ADAM22: variants seen among roughly 807,000 people sequenced by gnomAD.
The protein encoded by ADAM22 is ADAM metallopeptidase domain 22.
In ADAM22, 65 loss-of-function variants were observed where a neutral mutation model predicts 144.6. That is an observed-to-expected ratio of 0.45 (90% CI 0.37 to 0.55). The LOEUF (loss-of-function observed/expected upper bound fraction) is 0.55, where lower values mean the gene tolerates loss of function less well. Ranked by LOEUF, ADAM22 falls within the 20% of genes least tolerant of loss-of-function variation. The pLI, the probability that ADAM22 is intolerant of heterozygous loss-of-function variation, is 0.00. For missense variants in ADAM22, 974 were observed against 1,184.9 expected (o/e 0.82, Z 2.61); for synonymous variants, 391 against 412.6 (o/e 0.95, Z 0.63).
At chr7:88,131,526 A>T in intron 11 of ADAM22, 91 bp downstream of exon 11, 1 of 1,377,090 alleles carries the variant, frequency 7.3e-7, no homozygotes, top group South Asian at 1.3e-5. Context: ...GCTACATAAC[A>T]CAATTAGGAT....
At chr7:87,977,247 A>C (rs1353793839) in intron 2 of ADAM22, among the ~76,000 whole-genome samples, 1 of 152,180 alleles carries the variant, frequency 6.6e-6, no homozygotes, top group African/African-American at 2.4e-5. Context: ...TATTATTATT[A>C]ATCAGACTCT....
chr7:88,065,648 C>T (rs1811041211), intron 3 of ADAM22, among the ~76,000 whole-genome samples: 1 of 151,886 alleles, frequency 6.6e-6, no homozygotes, highest in Non-Finnish European at 1.5e-5. Context: ...GGTATGACCA[C>T]CTTTTGATAT....
At chr7:88,105,458 C>G (rs768615007) in intron 4 of ADAM22, among the ~76,000 whole-genome samples, 1 of 152,178 alleles carries the variant, frequency 6.6e-6, no homozygotes, top group Admixed American at 6.5e-5. Context: ...CAGGAAATCA[C>G]GGGCATCTAA....
chr7:87,948,158 G>A (rs1300540537), intron 2 of ADAM22, among the ~76,000 whole-genome samples: 1 of 151,810 alleles, frequency 6.6e-6, no homozygotes, highest in Non-Finnish European at 1.5e-5. Flanking sequence ...TATGACCCTT[G>A]GTTTATTTTG....
chr7:88,176,195 G>A (rs781346730), intron 26 of ADAM22, among the ~76,000 whole-genome samples: 5 of 152,046 alleles, frequency 3.3e-5, no homozygotes, highest in African/African-American at 9.7e-5. Context: ...GGCTGGTCTC[G>A]AATTCCTGAC....
At chr7:87,971,586 GC>G (rs780001450) in intron 2 of ADAM22, among the ~76,000 whole-genome samples, 7 of 152,106 alleles carry the variant, frequency 4.6e-5, no homozygotes, top group Non-Finnish European at 1.0e-4. Context: ...TGGCATTTCT[GC>G]AAAATTACGT....
intron 3 of ADAM22, among the ~76,000 whole-genome samples, chr7:88,059,891 G>A (rs924849632): frequency 2.0e-5 from 3 of 152,044 alleles, no homozygotes; most frequent in Non-Finnish European, 2.9e-5. Context: ...GGGGACAAAC[G>A]TTGAAAAACT....
intron 3 of ADAM22, among the ~76,000 whole-genome samples, chr7:88,049,746 G>A (rs924392442): frequency 6.6e-6 from 1 of 152,192 alleles, no homozygotes; most frequent in South Asian, 2.1e-4. Flanking sequence ...AGTTTGGGGT[G>A]AAAGGGATGA....
intron 22 of ADAM22, among the ~76,000 whole-genome samples, chr7:88,161,040 C>G (rs1180891627): frequency 1.3e-5 from 2 of 151,902 alleles, no homozygotes; most frequent in African/African-American, 2.4e-5. Context: ...GTGCAGCACA[C>G]CAGCATGGTG....
rs768661794 is a variant in ADAM22 at position 88,075,633 on chromosome 7, C to A, written c.331C>A (p.Leu111Met). ...TTATTTTTGTTGTTGCAGTGATTTG[C>A]TGTCCTCTGAATACATAGAGAGACA... ...ILDVVLNHDL[L>M]SSEYIERHIE... The change falls in exon 4 of 32, where the codon CTG becomes ATG. Residue 111 changes from leucine to methionine, a missense_variant. By Grantham distance (15) the Leu-to-Met change is conservative. This residue lies in a region of ADAM22 where 240 missense variants were observed against 234.3 expected (regional missense o/e 1.02). Coordinates refer to ENST00000413139, the MANE Select transcript of ADAM22 (RefSeq NM_001324418.2). The A allele has an allele frequency of 6.2e-7, 1 of 1,613,218 alleles. No individual in the cohort carries two copies. Among genetic ancestry groups the A allele is most frequent in the African/African-American group, 1.3e-5 (1 of 74,880 alleles).
intron 14 of ADAM22, among the ~76,000 whole-genome samples, chr7:88,138,030 T>C (rs1486498597): frequency 2.0e-5 from 3 of 152,062 alleles, no homozygotes; most frequent in Admixed American, 2.0e-4. Flanking sequence ...GGCACACACC[T>C]GTAGTCCCAG....
intron 26 of ADAM22, 43 bp downstream of exon 26, chr7:88,171,604 A>T: frequency 6.6e-7 from 1 of 1,526,460 alleles, no homozygotes; most frequent in Non-Finnish European, 8.8e-7. Flanking sequence ...GAAAGGTTTG[A>T]CTCATATTAG....
At chr7:88,060,918 A>G (rs982422716) in intron 3 of ADAM22, among the ~76,000 whole-genome samples, 1 of 152,062 alleles carries the variant, frequency 6.6e-6, no homozygotes, top group African/African-American at 2.4e-5. Flanking sequence ...AGCCTGGCCA[A>G]CATGGTGAAA....
At chr7:88,079,587 G>A (rs1292022345) in intron 4 of ADAM22, among the ~76,000 whole-genome samples, 2 of 152,196 alleles carry the variant, frequency 1.3e-5, no homozygotes, top group Non-Finnish European at 2.9e-5. Flanking sequence ...TCAGTGTGCT[G>A]TATTCAGGAA....
intron 2 of ADAM22, 23 bp from the exon 3 acceptor site, chr7:87,978,313 C>T: frequency 6.3e-7 from 1 of 1,597,464 alleles, no homozygotes; most frequent in Non-Finnish European, 8.6e-7. Context: ...AATAAATAAC[C>T]TTTTTTCTTT....
chr7:88,077,487 A>C (rs973597606), intron 4 of ADAM22, among the ~76,000 whole-genome samples: 2 of 152,168 alleles, frequency 1.3e-5, no homozygotes, highest in Non-Finnish European at 2.9e-5. Flanking sequence ...GGAGTGCTGG[A>C]CAGTGGGTGC....
chr7:88,123,511 A>G (rs1829773744), intron 7 of ADAM22, among the ~76,000 whole-genome samples: 1 of 152,092 alleles, frequency 6.6e-6, no homozygotes, highest in Non-Finnish European at 1.5e-5. Context: ...AAAGCTCTTC[A>G]TAATATCCTC....
intron 3 of ADAM22, among the ~76,000 whole-genome samples, chr7:88,057,149 A>C (rs1230353732): frequency 6.6e-6 from 1 of 150,902 alleles, no homozygotes; most frequent in Non-Finnish European, 1.5e-5. Flanking sequence ...TTCTTAAGAC[A>C]GGGTCTCGCT....
At chr7:88,108,454 G>A (rs187136998) in intron 5 of ADAM22, among the ~76,000 whole-genome samples, 196 bp downstream of exon 5, 23 of 151,888 alleles carry the variant, frequency 1.5e-4, no homozygotes, top group African/African-American at 5.6e-4. Flanking sequence ...ATGGTCGGGC[G>A]TGGTGGCTCA....
Sources: gnomAD v4.1 joint callset for allele counts (sites outside exome capture counted in the v4.1 genomes callset) on GRCh38, gnomAD v4.1.1 for gene constraint, gnomAD v4.1.1 regional missense constraint, MANE v1.5 for transcripts, NCBI Gene and HGNC (gene_info 2026-07-23, HGNC 2026-07-21) for gene names.